MAN1A1: variants seen among roughly 807,000 people sequenced by gnomAD.
MAN1A1 encodes mannosyl-oligosaccharide 1,2-alpha-mannosidase IA.
MAN1A1 carries 29 observed loss-of-function variants against 70.8 expected under a neutral mutation model. The ratio of observed to expected loss-of-function variants is 0.41; its 90% confidence interval spans 0.31 to 0.56. The LOEUF (loss-of-function observed/expected upper bound fraction) is 0.56, where lower values mean the gene tolerates loss of function less well. Ranked by LOEUF, MAN1A1 falls within the 20% of genes least tolerant of loss-of-function variation. MAN1A1 has a pLI of 0.29. For missense variants in MAN1A1, 747 were observed against 841.3 expected (o/e 0.89, Z 1.39); for synonymous variants, 349 against 330.1 (o/e 1.06, Z -0.62).
intron 5 of MAN1A1, among the ~76,000 whole-genome samples, chr6:119,268,434 GT>G (rs139496159): frequency 4.0e-5 from 6 of 149,080 alleles, no homozygotes; most frequent in Non-Finnish European, 7.5e-5. Flanking sequence ...GTCCCCAAGT[GT>G]TTTTTTTTTC....
intron 5 of MAN1A1, among the ~76,000 whole-genome samples, chr6:119,271,796 G>A (rs1026687611): frequency 4.0e-5 from 6 of 151,772 alleles, no homozygotes; most frequent in African/African-American, 1.5e-4. Flanking sequence ...GAGCCACCAC[G>A]CCCAGCCAAC....
At chr6:119,196,268 T>G (rs1039305609) in intron 8 of MAN1A1, among the ~76,000 whole-genome samples, 1 of 151,962 alleles carries the variant, frequency 6.6e-6, no homozygotes, top group Non-Finnish European at 1.5e-5. Context: ...TTTTAATTAA[T>G]TTTGGTAAGT....
chr6:119,348,439 G>A (rs1773796652), intron 2 of MAN1A1, 24 bp downstream of exon 2: 1 of 1,551,286 alleles, frequency 6.4e-7, no homozygotes, highest in Non-Finnish European at 8.8e-7. Flanking sequence ...CGGTCGGGAG[G>A]GATTTCTGGC....
At chr6:119,281,950 T>C (rs896223687) in intron 5 of MAN1A1, among the ~76,000 whole-genome samples, 4 of 151,880 alleles carry the variant, frequency 2.6e-5, no homozygotes, top group African/African-American at 4.8e-5. Context: ...TAATCCCAGC[T>C]ACTCGGGAGG....
intron 5 of MAN1A1, among the ~76,000 whole-genome samples, chr6:119,284,580 C>A (rs9489667): frequency 0.38 from 57,376 of 151,834 alleles, 11,318 homozygotes; most frequent in Non-Finnish European, 0.41. Flanking sequence ...CCCTAAATTA[C>A]TGAAATATAG....
intron 2 of MAN1A1, among the ~76,000 whole-genome samples, chr6:119,346,380 C>A (rs1298947089): frequency 6.6e-6 from 1 of 152,060 alleles, no homozygotes; most frequent in Non-Finnish European, 1.5e-5. Context: ...AAATCATAAT[C>A]CATTTCTTCC....
chr6:119,227,285 G>A (rs1027745851), intron 6 of MAN1A1, among the ~76,000 whole-genome samples: 4 of 152,186 alleles, frequency 2.6e-5, no homozygotes, highest in African/African-American at 9.7e-5. Context: ...ATGAATGGCT[G>A]CAAAGGGTCA....
chr6:119,180,436 T>TGA lies in MAN1A1; in HGVS notation c.1720-10_1720-9insTC. ...CAATGGTTTTCCAAGGCCTAAATTA[T>TGA]AGAGGAGGAAAAAAAAAAGTCACAT... On this transcript the variant is annotated splice_polypyrimidine_tract_variant and intron_variant, in intron 11 of 12. Coordinates refer to ENST00000368468, the MANE Select transcript of MAN1A1 (RefSeq NM_005907.4). 6.9e-7 allele frequency: 1 copy of TGA among 1,444,686 alleles called. No individual in the cohort carries two copies. The highest frequency in any genetic ancestry group is 9.6e-7 in the Non-Finnish European group (1 of 1,040,538). 89.5% of individuals were successfully genotyped at this position (1,444,686 alleles called of 1,614,324 possible).
intron 4 of MAN1A1, among the ~76,000 whole-genome samples, chr6:119,293,476 T>C (rs1390042595): frequency 6.6e-6 from 1 of 152,078 alleles, no homozygotes; most frequent in African/African-American, 2.4e-5. Context: ...AGTTAATCCA[T>C]GAAGGATACC....
In MAN1A1 at chr6:119,205,951, T is replaced by G. The variant is rs546921054; in HGVS notation, c.993-1069A>C. 6.6e-5 allele frequency among the ~76,000 whole-genome samples: 10 copies of G among 152,282 alleles called. No homozygotes were observed. The South Asian group carries it at 1.9e-3, about 28-fold the overall frequency. ...AAGCATAAATAGTTCCAATCACACA[T>G]GATGAATGCCGAGATAAATGTGTGA... On this transcript the variant is annotated intron_variant, in intron 6 of 12. Transcript: ENST00000368468.
intron 5 of MAN1A1, chr6:119,269,681 C>G (rs1418408418): frequency 6.5e-6 from 1 of 153,390 alleles, no homozygotes; most frequent in Non-Finnish European, 1.5e-5. Context: ...AGAAGGTGGC[C>G]TTGGCCAGTG....
intron 4 of MAN1A1, among the ~76,000 whole-genome samples, chr6:119,296,504 G>C (rs551065615): frequency 1.3e-5 from 2 of 152,202 alleles, no homozygotes; most frequent in African/African-American, 4.8e-5. Flanking sequence ...CCTTTCTCAG[G>C]AGCAACACTA....
At chr6:119,191,004 A>G (rs1773425862) in intron 9 of MAN1A1, among the ~76,000 whole-genome samples, 1 of 152,222 alleles carries the variant, frequency 6.6e-6, no homozygotes, top group Non-Finnish European at 1.5e-5. Context: ...AGACACAGAA[A>G]AAAACTTGTG....
In MAN1A1 at chr6:119,260,976, G is replaced by GC. The variant is rs1554209499; in HGVS notation, c.898-12623_898-12622insG. 1.0e-3 allele frequency among the ~76,000 whole-genome samples: 120 copies of GC among 116,948 alleles called. 13 individuals carry two copies. Among genetic ancestry groups the GC allele is most frequent in the African/African-American group, 3.6e-3 (107 of 29,862 alleles). The allele number at this position is 116,948 out of a possible 152,430, so 76.7% of individuals were successfully genotyped here. ...TATCTAAATGTCTTGTTTTTTTATT[G>GC]TTTTTTTTTTTTTTTTTTTTGAGAT... On this transcript the variant is annotated intron_variant, in intron 5 of 12. Coordinates refer to ENST00000368468, the MANE Select transcript of MAN1A1 (RefSeq NM_005907.4).
chr6:119,277,706 G>A (rs1562222350), intron 5 of MAN1A1, among the ~76,000 whole-genome samples: 1 of 151,802 alleles, frequency 6.6e-6, no homozygotes, highest in Non-Finnish European at 1.5e-5. Flanking sequence ...GGAGGCCGAG[G>A]TGGGTGAATC....
At chr6:119,348,313 A>T in intron 2 of MAN1A1, 150 bp downstream of exon 2, 1 of 750,534 alleles carries the variant, frequency 1.3e-6, no homozygotes, top group Non-Finnish European at 2.1e-6. Context: ...ACAGGAAAAG[A>T]AAGAGCTTTT....
intron 2 of MAN1A1, among the ~76,000 whole-genome samples, chr6:119,315,398 T>C (rs527516326): frequency 1.3e-5 from 2 of 152,312 alleles, no homozygotes; most frequent in African/African-American, 4.8e-5. Context: ...AAATGAGAAT[T>C]CTAGTAATCA....
At chr6:119,313,924 C>A (rs553919539) in intron 2 of MAN1A1, among the ~76,000 whole-genome samples, 54 of 140,520 alleles carry the variant, frequency 3.8e-4, no homozygotes, top group African/African-American at 1.4e-3. Context: ...AAGCCCCTCA[C>A]TAAAGCTATT....
chr6:119,227,939 T>TGG (rs1774565249), intron 6 of MAN1A1, among the ~76,000 whole-genome samples: 1 of 152,178 alleles, frequency 6.6e-6, no homozygotes, highest in Non-Finnish European at 1.5e-5. Context: ...ATGCACTATA[T>TGG]ATAGAGAAAT....
Sources: allele counts gnomAD v4.1 joint callset (sites outside exome capture counted in the v4.1 genomes callset), GRCh38; gene constraint gnomAD v4.1.1; transcripts MANE v1.5; gene names NCBI Gene and HGNC (gene_info 2026-07-23, HGNC 2026-07-21).